Variants in STARD3NL observed in about 807,000 individuals in gnomAD.
STARD3NL encodes STARD3 N-terminal like, also known as STARD3 N-terminal-like protein.
In STARD3NL, 17 loss-of-function variants were observed where a neutral mutation model predicts 30.9. The ratio of observed to expected loss-of-function variants is 0.55; its 90% confidence interval spans 0.38 to 0.82. STARD3NL has a LOEUF of 0.82. STARD3NL is among the 40% of genes least tolerant of loss of function. STARD3NL has a pLI of 0.00. For missense variants in STARD3NL, 234 were observed against 277.6 expected (o/e 0.84, Z 1.12); for synonymous variants, 112 against 100.5 (o/e 1.11, Z -0.69).
chr7:38,226,127 A>G (rs1360194910), intron 7 of STARD3NL, among the ~76,000 whole-genome samples: 9 of 133,092 alleles, frequency 6.8e-5, no homozygotes, highest in Non-Finnish European at 1.3e-4. Flanking sequence ...GAATGGTCAC[A>G]CTTTCTTGAA....
chr7:38,223,472 A>C (rs889790058), intron 7 of STARD3NL, among the ~76,000 whole-genome samples: 10 of 152,222 alleles, frequency 6.6e-5, no homozygotes, highest in African/African-American at 2.4e-4. Context: ...AGATTAACTT[A>C]AAATGAGGAA....
chr7:38,213,535 C>T (rs548739959), intron 2 of STARD3NL, among the ~76,000 whole-genome samples: 9 of 152,312 alleles, frequency 5.9e-5, no homozygotes, highest in African/African-American at 2.2e-4. Flanking sequence ...GGTTAACTGT[C>T]CTTCCATTGG....
At chr7:38,208,338 T>G (rs1261144023) in intron 2 of STARD3NL, among the ~76,000 whole-genome samples, 2 of 152,220 alleles carry the variant, frequency 1.3e-5, no homozygotes, top group African/African-American at 4.8e-5. Flanking sequence ...TCGGAAAAGT[T>G]GTCCTGGAGG....
intron 7 of STARD3NL, among the ~76,000 whole-genome samples, chr7:38,225,485 T>A (rs1331795624): frequency 1.3e-5 from 2 of 152,200 alleles, no homozygotes; most frequent in African/African-American, 4.8e-5. Context: ...CAATTAAGAT[T>A]ACAATACATT....
chr7:38,192,799 C>CCCTCTCT (rs1197588267), intron 1 of STARD3NL, among the ~76,000 whole-genome samples: 1 of 152,184 alleles, frequency 6.6e-6, no homozygotes, highest in African/African-American at 2.4e-5. Flanking sequence ...AGATTTCTGG[C>CCCTCTCT]ATCCACTGAT....
At chr7:38,223,621 A>G (rs934273610) in intron 7 of STARD3NL, among the ~76,000 whole-genome samples, 16 of 152,168 alleles carry the variant, frequency 1.1e-4, no homozygotes, top group Middle Eastern at 3.4e-3. Flanking sequence ...GTTGCCCCAT[A>G]TAGTTATTAT....
rs575090325 is a variant in STARD3NL, at chr7:38,228,875, A to G, written c.*17+4A>G. ...TATGAGTACTACTTTTGTTAAAGTA[A>G]GTGTTTGAAATGAAACCATAACAAC... On this transcript the variant is annotated splice_donor_region_variant and intron_variant, in intron 8 of 8. Coordinates refer to ENST00000009041, the MANE Select transcript of STARD3NL (RefSeq NM_032016.4). 2 of 1,602,636 alleles carry G rather than the reference A, an allele frequency of 1.2e-6. No homozygotes were observed. The highest frequency in any genetic ancestry group is 1.1e-5 in the South Asian group (1 of 90,110).
intron 6 of STARD3NL, 117 bp downstream of exon 6, chr7:38,217,422 G>C (rs1275108881): frequency 1.1e-6 from 1 of 895,846 alleles, no homozygotes; most frequent in Non-Finnish European, 1.7e-6. Context: ...CAGTGGTGGG[G>C]TCTTCATTCT....
At position 38,207,542 on chromosome 7, in the gene STARD3NL, C is replaced by G. The variant is rs1475102061; in HGVS notation, c.38C>G (p.Thr13Ser). ...CCAGAAGACATGGAGAACGCTCTCA[C>G]CGGGAGCCAGAGCTCCCATGCTTCT... is the stretch of plus-strand genomic sequence containing the variant. ...HLPEDMENAL[T>S]GSQSSHASLR... The change falls in exon 2 of 9, where the codon ACC (threonine) becomes AGC (serine). Residue 13 changes from threonine (T) to serine (S), a missense_variant. Coordinates refer to ENST00000009041, the MANE Select transcript of STARD3NL (RefSeq NM_032016.4). The G allele has an allele frequency of 6.2e-7, 1 of 1,614,008 alleles. No homozygotes were observed. Among genetic ancestry groups the G allele is most frequent in the Admixed American group, 1.7e-5 (1 of 59,970 alleles).
At chr7:38,222,112 A>G (rs982144058) in intron 7 of STARD3NL, among the ~76,000 whole-genome samples, 1 of 150,160 alleles carries the variant, frequency 6.7e-6, no homozygotes, top group Non-Finnish European at 1.5e-5. Flanking sequence ...ACATCATTGT[A>G]TTCCCTACAT....
intron 1 of STARD3NL, among the ~76,000 whole-genome samples, chr7:38,194,424 T>A (rs922517860): frequency 1.3e-5 from 2 of 152,148 alleles, no homozygotes; most frequent in South Asian, 2.1e-4. Flanking sequence ...ATTTACTAAT[T>A]GTATTCATTG....
chr7:38,186,574 G>T (rs556438228), intron 1 of STARD3NL, among the ~76,000 whole-genome samples: 1 of 152,278 alleles, frequency 6.6e-6, no homozygotes, highest in South Asian at 2.1e-4. Flanking sequence ...ATATATGATG[G>T]TGGTCCCATA....
chr7:38,219,979 C>T (rs1272828868), intron 7 of STARD3NL, among the ~76,000 whole-genome samples: 6 of 152,176 alleles, frequency 3.9e-5, no homozygotes, highest in South Asian at 4.1e-4. Context: ...TCTAGGACTC[C>T]CATATCTGAG....
chr7:38,183,563 T>C (rs1347355422), intron 1 of STARD3NL, among the ~76,000 whole-genome samples: 2 of 152,224 alleles, frequency 1.3e-5, no homozygotes, highest in Non-Finnish European at 2.9e-5. Context: ...TTCATTTTTG[T>C]AGTGTGTTGT....
intron 1 of STARD3NL, among the ~76,000 whole-genome samples, chr7:38,194,416 T>G (rs1345870620): frequency 6.6e-6 from 1 of 152,148 alleles, no homozygotes; most frequent in African/African-American, 2.4e-5. Context: ...CCTTTTGGAT[T>G]TACTAATTGT....
chr7:38,179,333 G>A (rs542138992), intron 1 of STARD3NL, among the ~76,000 whole-genome samples: 1 of 152,310 alleles, frequency 6.6e-6, no homozygotes, highest in South Asian at 2.1e-4. Context: ...ATTCTGATAA[G>A]GTGGTGGATT....
chr7:38,205,051 A>G (rs537539370), intron 1 of STARD3NL, among the ~76,000 whole-genome samples: 1 of 152,390 alleles, frequency 6.6e-6, no homozygotes, highest in East Asian at 1.9e-4. Flanking sequence ...GAATTGTACC[A>G]GAGGTACAAG....
intron 1 of STARD3NL, among the ~76,000 whole-genome samples, chr7:38,192,045 A>G (rs970979051): frequency 2.0e-5 from 3 of 152,190 alleles, no homozygotes; most frequent in African/African-American, 7.2e-5. Flanking sequence ...ATTTTCAACT[A>G]CTTCCATTTC....
chr7:38,196,676 G>A (rs372603994), intron 1 of STARD3NL, among the ~76,000 whole-genome samples: 3 of 152,218 alleles, frequency 2.0e-5, no homozygotes, highest in South Asian at 2.1e-4. Flanking sequence ...ATAACTGGCC[G>A]AGTGAGTTTA....
Sources: allele counts gnomAD v4.1 joint callset (sites outside exome capture counted in the v4.1 genomes callset), GRCh38; gene constraint gnomAD v4.1.1; transcripts MANE v1.5; gene names NCBI Gene and HGNC (gene_info 2026-07-23, HGNC 2026-07-21).